The following LOC400499 variants were observed in gnomAD, a reference collection of about 807,000 sequenced individuals.
the LOC400499 span, chr16:11,393,336 G>A: frequency 4.9e-6 from 6 of 1,220,840 alleles, no homozygotes; most frequent in Non-Finnish European, 5.1e-6. Context: ...GTCCTTTCTT[G>A]AGCCAACAGG....
chr16:11,461,893 TG>T, the LOC400499 span, among the ~76,000 whole-genome samples: 1 of 152,196 alleles, frequency 6.6e-6, no homozygotes, highest in Non-Finnish European at 1.5e-5. Flanking sequence ...TTTCTTATCG[TG>T]GGTCAGAATA....
the LOC400499 span, among the ~76,000 whole-genome samples, chr16:11,519,883 A>C: frequency 1.3e-5 from 2 of 151,932 alleles, no homozygotes; most frequent in Non-Finnish European, 2.9e-5. Context: ...TTTTGTATTT[A>C]GTAGAGACAG....
chr16:11,514,342 G>A, the LOC400499 span: 6 of 399,148 alleles, frequency 1.5e-5, no homozygotes, highest in African/African-American at 1.2e-4. Flanking sequence ...GTGGCCACCA[G>A]GGAAGGCTGA....
the LOC400499 span, among the ~76,000 whole-genome samples, chr16:11,416,504 C>T: frequency 1.3e-5 from 2 of 152,168 alleles, no homozygotes; most frequent in South Asian, 4.1e-4. Flanking sequence ...CGTTCATGCA[C>T]CCATTCGATA....
At chr16:11,484,034 C>G in the LOC400499 span, among the ~76,000 whole-genome samples, 1 of 102,884 alleles carries the variant, frequency 9.7e-6, no homozygotes, top group East Asian at 3.4e-4. Flanking sequence ...TTGAGACAGA[C>G]TCTCGCTCTG....
the LOC400499 span, among the ~76,000 whole-genome samples, chr16:11,486,063 T>G: frequency 5.7e-4 from 77 of 134,568 alleles, no homozygotes; most frequent in African/African-American, 7.6e-4. Flanking sequence ...TGGATGGATG[T>G]ATGGATGGAT....
At chr16:11,511,163 A>AT in the LOC400499 span, among the ~76,000 whole-genome samples, 1 of 146,120 alleles carries the variant, frequency 6.8e-6, no homozygotes, top group South Asian at 2.2e-4. Context: ...TGCCTGGCTA[A>AT]TTTTTTGTAT....
chr16:11,496,642 G>A, the LOC400499 span, among the ~76,000 whole-genome samples: 1 of 152,164 alleles, frequency 6.6e-6, no homozygotes, highest in African/African-American at 2.4e-5. Flanking sequence ...CCCATTGGAT[G>A]TGTGCATGTG....
chr16:11,429,618 C>T, the LOC400499 span, among the ~76,000 whole-genome samples: 1 of 151,998 alleles, frequency 6.6e-6, no homozygotes, highest in Non-Finnish European at 1.5e-5. Context: ...GGACTACAGG[C>T]GTGTACCGCC....
chr16:11,378,090 T>C, the LOC400499 span, among the ~76,000 whole-genome samples: 1 of 152,278 alleles, frequency 6.6e-6, no homozygotes, highest in South Asian at 2.1e-4. Flanking sequence ...GGTAGAAGGT[T>C]AGGTTGTTGG....
chr16:11,383,233 T>A, the LOC400499 span, among the ~76,000 whole-genome samples: 1 of 145,238 alleles, frequency 6.9e-6, no homozygotes, highest in African/African-American at 2.7e-5. Context: ...GCCCGGCTAA[T>A]TTTTTTTGTA....
At chr16:11,441,099 C>T in the LOC400499 span, 3 of 399,004 alleles carry the variant, frequency 7.5e-6, no homozygotes, top group Non-Finnish European at 1.3e-5. Flanking sequence ...GAACCAGGGG[C>T]ACTGAGAGAG....
At chr16:11,420,972 G>A in the LOC400499 span, among the ~76,000 whole-genome samples, 3 of 152,302 alleles carry the variant, frequency 2.0e-5, no homozygotes, top group African/African-American at 4.8e-5. Context: ...AGGGCCCAGG[G>A]CTGGACTTGT....
At chr16:11,449,401 T>A in the LOC400499 span, among the ~76,000 whole-genome samples, 1 of 152,166 alleles carries the variant, frequency 6.6e-6, no homozygotes, top group African/African-American at 2.4e-5. Context: ...CTATTACTAG[T>A]AGCCAGGGTG....
the LOC400499 span, among the ~76,000 whole-genome samples, chr16:11,465,785 A>T: frequency 7.0e-6 from 1 of 141,920 alleles, no homozygotes; most frequent in East Asian, 2.4e-4. Context: ...GCAGAGAGGG[A>T]AAAGAGAGAG....
chr16:11,441,664 G>A, the LOC400499 span, among the ~76,000 whole-genome samples: 3 of 152,124 alleles, frequency 2.0e-5, no homozygotes, highest in African/African-American at 7.2e-5. Flanking sequence ...TAATCACAGG[G>A]GTCCTATGAG....
chr16:11,387,424 G>A, the LOC400499 span: 1 of 695,058 alleles, frequency 1.4e-6, no homozygotes, highest in East Asian at 3.4e-5. Flanking sequence ...TTCAGGGAGG[G>A]GCTGTCCTTG....
At chr16:11,448,729 T>C in the LOC400499 span, among the ~76,000 whole-genome samples, 2 of 149,650 alleles carry the variant, frequency 1.3e-5, no homozygotes, top group East Asian at 2.0e-4. Flanking sequence ...TGTCAAAAAA[T>C]ATATAAGAAA....
chr16:11,410,027 C>T, the LOC400499 span, among the ~76,000 whole-genome samples: 1 of 152,142 alleles, frequency 6.6e-6, no homozygotes, highest in Non-Finnish European at 1.5e-5. Context: ...ACCTGTAGTC[C>T]CAGCTACTCC....
Sources: allele counts gnomAD v4.1 joint callset (sites outside exome capture counted in the v4.1 genomes callset), GRCh38; gene constraint gnomAD v4.1.1; transcripts MANE v1.5.